NOMO3: variants seen among roughly 807,000 people sequenced by gnomAD.
NOMO3 encodes the protein NODAL modulator 3.
Under a neutral mutation model 69.9 loss-of-function variants are expected in NOMO3, and 15 were observed. The ratio of observed to expected loss-of-function variants is 0.21; its 90% CI spans 0.14 to 0.33. The LOEUF (loss-of-function observed/expected upper bound fraction) is 0.33, where lower values mean the gene tolerates loss of function less well. Among genes scored for constraint, NOMO3 ranks in the 10% least tolerant of loss-of-function variants. The probability of loss-of-function intolerance (pLI) is 1.00; values close to 1 mark genes in which losing one functional copy is unlikely to be tolerated. For synonymous variants in NOMO3, 89 were observed against 301.9 expected (o/e 0.29, Z 7.31); for missense variants, 218 against 761.0 (o/e 0.29, Z 8.39).
intron 14 of NOMO3, among the ~76,000 whole-genome samples, chr16:16,264,693 A>C (rs1187882952): frequency 2.2e-5 from 3 of 137,752 alleles, no homozygotes; most frequent in Admixed American, 1.4e-4. Flanking sequence ...GATTACAGGC[A>C]TGCACCACCA....
At chr16:16,274,259 T>TTGGG (rs1555527139) in intron 20 of NOMO3, among the ~76,000 whole-genome samples, 184 bp downstream of exon 20, 2,259 of 117,222 alleles carry the variant, frequency 0.019, 36 homozygotes, top group Non-Finnish European at 0.029. Flanking sequence ...GATGGTTGGG[T>TTGGG]TGGATGGATG....
chr16:16,235,019 C>G (rs1310405110), intron 1 of NOMO3, among the ~76,000 whole-genome samples: 2 of 151,980 alleles, frequency 1.3e-5, no homozygotes, highest in Non-Finnish European at 2.9e-5. Flanking sequence ...TGGTGAATTT[C>G]CAGTCCCTGC....
At chr16:16,242,201 TTGTGTGTGTG>T (rs71276168) in intron 3 of NOMO3, among the ~76,000 whole-genome samples, 8 of 99,358 alleles carry the variant, frequency 8.1e-5, no homozygotes, top group Non-Finnish European at 1.3e-4. Context: ...ATTGGAGTCT[TTGTGTGTGTG>T]TGTGTGTGTG....
intron 12 of NOMO3, 94 bp from the exon 13 acceptor site, chr16:16,262,980 A>T: frequency 6.5e-7 from 1 of 1,539,134 alleles, no homozygotes; most frequent in Non-Finnish European, 8.7e-7. Context: ...AAATCTCTTT[A>T]GCCTTGGTCC....
In NOMO3 at chr16:16,268,877, C is replaced by T. The variant is rs538527866; in HGVS notation, c.1895-1244C>T. Among the ~76,000 whole-genome samples the T allele has an allele frequency of 4.2e-5, 6 of 143,630 alleles. 1 individual carries two copies. The highest frequency in any genetic ancestry group is 8.9e-5 in the Non-Finnish European group (6 of 67,740). 94.2% of individuals were successfully genotyped at this position (143,630 alleles called of 152,430 possible). A position where few individuals can be genotyped will look rare whatever the true frequency, so the allele number is the denominator to read the frequency against. ...GAGAGGGCAGGCAAACATTTCCTTG[C>T]GCCCCCTCCTCCAGTAAGCTACTTG... On this transcript the variant is annotated intron_variant, in intron 16 of 30. Transcript: ENST00000399336.
chr16:16,267,750 A>G (rs1208980515), intron 16 of NOMO3, among the ~76,000 whole-genome samples: 2 of 143,044 alleles, frequency 1.4e-5, no homozygotes, highest in African/African-American at 2.9e-5. Context: ...CTCTTTTATA[A>G]TGGCTTTTTT....
Position 16,263,352 on chromosome 16 carries a change from G to A in NOMO3, c.1537+137G>A, listed in dbSNP as rs796955671. 2.3e-5 allele frequency: 36 copies of A among 1,578,060 alleles called. 4 individuals carry two copies. Among genetic ancestry groups the A allele is most frequent in the East Asian group, 1.2e-4 (5 of 40,478 alleles). ...GTGCGAGGGAGGCTTCTTGGAGTCA[G>A]GTGGGTACATGTTAACTTGAAAGAA... On this transcript the variant is annotated intron_variant, in intron 13 of 30. Coordinates refer to ENST00000399336, the MANE Select transcript of NOMO3 (RefSeq NM_001004067.4).
intron 6 of NOMO3, among the ~76,000 whole-genome samples, chr16:16,250,015 C>CCAGAATA (rs1442501404): frequency 1.5e-5 from 2 of 136,330 alleles, no homozygotes; most frequent in Non-Finnish European, 3.0e-5. Flanking sequence ...GCTCCCTGAG[C>CCAGAATA]CAGAATAGGT....
At chr16:16,237,469 A>G (rs1439444435) in intron 2 of NOMO3, among the ~76,000 whole-genome samples, 1 of 144,828 alleles carries the variant, frequency 6.9e-6, no homozygotes, top group Non-Finnish European at 1.5e-5. Context: ...TGTGAAATAA[A>G]TTTGTACCCT....
At chr16:16,245,724 G>GAAAC (rs2049411222) in intron 5 of NOMO3, among the ~76,000 whole-genome samples, 1 of 109,948 alleles carries the variant, frequency 9.1e-6, no homozygotes, top group Non-Finnish European at 1.7e-5. Context: ...GACCCTGTCT[G>GAAAC]AAACAAACAA....
At chr16:16,234,129 G>A (rs553183816) in intron 1 of NOMO3, among the ~76,000 whole-genome samples, 1 of 152,108 alleles carries the variant, frequency 6.6e-6, no homozygotes, top group African/African-American at 2.4e-5. Flanking sequence ...CACTGGCAGC[G>A]GCAGGGCTCC....
At chr16:16,270,296 G>C (rs954726897) in intron 17 of NOMO3, 112 bp downstream of exon 17, 26 of 1,563,850 alleles carry the variant, frequency 1.7e-5, no homozygotes, top group Non-Finnish European at 2.1e-5. Context: ...AAAGAGGCAA[G>C]GTTAGGCCTT....
At chr16:16,245,486 C>T (rs1424067319) in intron 5 of NOMO3, among the ~76,000 whole-genome samples, 2 of 143,518 alleles carry the variant, frequency 1.4e-5, no homozygotes, top group South Asian at 2.2e-4. Flanking sequence ...TTCAGGAGTT[C>T]GAGACCAGCC....
intron 3 of NOMO3, among the ~76,000 whole-genome samples, chr16:16,241,304 A>G (rs991584205): frequency 7.0e-6 from 1 of 143,308 alleles, no homozygotes; most frequent in Non-Finnish European, 1.5e-5. Context: ...TTCACTCAAC[A>G]TTATGAACTT....
chr16:16,236,361 C>T (rs533800323), intron 1 of NOMO3, among the ~76,000 whole-genome samples: 1,479 of 142,312 alleles, frequency 0.01, 79 homozygotes, highest in South Asian at 0.023. Flanking sequence ...TTTCCTGCCT[C>T]AGCCTCCCAA....
Position 16,262,957 on chromosome 16 carries a change from C to T in NOMO3, c.1396-117C>T, listed in dbSNP as rs1567565166. The T allele has an allele frequency of 6.0e-6, 9 of 1,500,150 alleles. 1 individual carries two copies. The South Asian group carries it at 1.2e-4, about 20-fold the overall frequency. The allele number at this position is 1,500,150 out of a possible 1,614,324, so 92.9% of individuals were successfully genotyped here. The stretch of plus-strand genomic sequence containing the variant: ...ATTGTAAAATCAGCCTGGAAACGAA[C>T]CTTTGGCCTTCAAAATCTCTTTAGC... On this transcript the variant is annotated intron_variant, in intron 12 of 30. Transcript: ENST00000399336.
chr16:16,270,212 G>T (rs745316476), intron 17 of NOMO3, 28 bp downstream of exon 17: 1 of 1,532,258 alleles, frequency 6.5e-7, no homozygotes, highest in Non-Finnish European at 8.7e-7. Flanking sequence ...ATGCTTTGTG[G>T]TGTTTGTATA....
In NOMO3 at chr16:16,255,705, T is replaced by C. The variant is rs1478788556; in HGVS notation, c.964-15T>C. ...AGGAGCACCTTCGAGCACCTTCTTG[T>C]TCTTTGTTTTCTAGCCCGTGTTCCA... On this transcript the variant is annotated splice_polypyrimidine_tract_variant and intron_variant, in intron 9 of 30. Coordinates refer to ENST00000399336, the MANE Select transcript of NOMO3 (RefSeq NM_001004067.4). 2 of 1,593,000 alleles carry C rather than the reference T, an allele frequency of 1.3e-6. 1 individual carries two copies. The highest frequency in any genetic ancestry group is 1.7e-6 in the Non-Finnish European group (2 of 1,178,038).
intron 16 of NOMO3, among the ~76,000 whole-genome samples, chr16:16,268,752 G>C (rs1017060807): frequency 5.6e-5 from 8 of 142,286 alleles, no homozygotes; most frequent in Non-Finnish European, 1.0e-4. Context: ...TGTTAGGGGT[G>C]GTGTCTTTGT....
Sources: allele counts gnomAD v4.1 joint callset (sites outside exome capture counted in the v4.1 genomes callset), GRCh38; gene constraint gnomAD v4.1.1; transcripts MANE v1.5; gene names NCBI Gene and HGNC (gene_info 2026-07-23, HGNC 2026-07-21).